Variants in ZNF536 observed in about 807,000 individuals in gnomAD.
ZNF536 encodes zinc finger protein 536.
ZNF536 carries 13 observed loss-of-function variants against 84.5 expected under a neutral mutation model. The observed-to-expected ratio is 0.15, with a 90% CI of 0.10 to 0.24. The LOEUF is 0.24. Among genes scored for constraint, ZNF536 ranks in the 10% least tolerant of loss-of-function variants. ZNF536 has a pLI of 1.00. For synonymous variants in ZNF536, 811 were observed against 742.5 expected (o/e 1.09, Z -1.50); for missense variants, 1,536 against 1,747.5 (o/e 0.88, Z 2.16).
rs200453890 is a variant in ZNF536, at chr19:30,548,917, G to A, written c.3298G>A (p.Val1100Met). The A allele has an allele frequency of 2.3e-4, 366 of 1,614,012 alleles. No individual in the cohort carries two copies. Among genetic ancestry groups the A allele is most frequent in the Admixed American group, 3.0e-4 (18 of 60,008 alleles). Residue 1100 changes from valine (V) to methionine (M), a missense_variant, in exon 4 of 5, where the codon GTG becomes ATG. Val to Met is a conservative substitution (Grantham distance 21, BLOSUM62 1). Transcript: ENST00000355537. Reference sequence around the variant, plus strand: ...GAAGAGCGGTGCATGGACCGGCCACGTGGACCCTGCATTTTGTAACTTCCC... The same window carrying A: ...GAAGAGCGGTGCATGGACCGGCCACATGGACCCTGCATTTTGTAACTTCCC... ...EQKSGAWTGH[V>M]DPAFCNFPSD...
chr19:30,520,983 A>G (rs187448028), intron 2 of ZNF536, among the ~76,000 whole-genome samples: 32 of 152,320 alleles, frequency 2.1e-4, no homozygotes, highest in African/African-American at 7.5e-4. Context: ...TCTGCCACGC[A>G]GGGTTTAAAG....
chr19:30,473,403 C>T (rs2053720514), intron 2 of ZNF536, among the ~76,000 whole-genome samples: 1 of 152,028 alleles, frequency 6.6e-6, no homozygotes, highest in Admixed American at 6.6e-5. Context: ...TTTCCAAGAC[C>T]CTCAGTTGTA....
rs375595253 is a variant in ZNF536, at chr19:30,466,580, A to G, written c.2170+20848A>G. Among the ~76,000 whole-genome samples the G allele has an allele frequency of 2.1e-4, 16 of 76,866 alleles. No homozygotes were observed. In the East Asian group the frequency reaches 7.6e-3, roughly 37 times the overall value. The allele number at this position is 76,866 out of a possible 152,430, so 50.4% of individuals were successfully genotyped here. A position where few individuals can be genotyped will look rare whatever the true frequency, so the allele number is the denominator to read the frequency against. Reference sequence around the variant, plus strand: ...CCTGTTAGAAAGAAAGAAAGAAAGAAAGAAAGAGAGAGAGAGAGAGAGAAA... The same window carrying G: ...CCTGTTAGAAAGAAAGAAAGAAAGAGAGAAAGAGAGAGAGAGAGAGAGAAA... On this transcript the variant is annotated intron_variant, in intron 2 of 4. Transcript: ENST00000355537.
At chr19:30,438,805 T>A (rs935520918) in intron 1 of ZNF536, among the ~76,000 whole-genome samples, 6 of 152,112 alleles carry the variant, frequency 3.9e-5, no homozygotes, top group African/African-American at 1.4e-4. Flanking sequence ...CAGCCTCCCA[T>A]GTAGTTGGGA....
At chr19:30,368,646 T>G (rs2048514610), upstream of ZNF536, among the ~76,000 whole-genome samples, 1 of 152,252 alleles carries the variant, frequency 6.6e-6, no homozygotes, top group Non-Finnish European at 1.5e-5. Flanking sequence ...TGATGACCCT[T>G]ACATATCTTT....
At chr19:30,228,443 C>T (rs2144588362), upstream of ZNF536, 1 of 152,290 alleles carries the variant, frequency 6.6e-6, no homozygotes, top group Middle Eastern at 3.4e-3. This position sits in a 1 kb window ranked among gnomAD's most constrained non-coding sequence, Gnocchi z 4.5. Context: ...CTTCGAGATG[C>T]TCCGGCGGCG....
downstream of ZNF536, among the ~76,000 whole-genome samples, chr19:30,558,623 T>C (rs1207975447): frequency 6.6e-6 from 1 of 152,236 alleles, no homozygotes; most frequent in African/African-American, 2.4e-5. Context: ...GGCTTTTGCC[T>C]GTTGTTCCAC....
chr19:30,664,832 C>A (rs867080415), intron 1 of ZNF536, among the ~76,000 whole-genome samples: 17 of 152,264 alleles, frequency 1.1e-4, no homozygotes, highest in African/African-American at 4.1e-4. Flanking sequence ...GGACCCTTCC[C>A]GGCTGGGAGG....
intron 2 of ZNF536, among the ~76,000 whole-genome samples, chr19:30,483,895 C>A (rs1303358567): frequency 6.6e-6 from 1 of 152,080 alleles, no homozygotes; most frequent in East Asian, 1.9e-4. Context: ...GGGTCTGACT[C>A]CTGCAAGTTT....
At position 30,642,668 on chromosome 19, in the gene ZNF536, C is replaced by T. The variant is rs556845434; in HGVS notation, c.170-68089C>T. Among the ~76,000 whole-genome samples, 450 of 152,212 alleles carry T rather than the reference C, an allele frequency of 3.0e-3. 2 individuals carry two copies. Among genetic ancestry groups the T allele is most frequent in the Non-Finnish European group, 5.2e-3 (354 of 68,020 alleles). ...ATCAGAAGTGCCTGCAGGAGGTCCT[C>T]GACTCTAGCAACAGATTAGATCCCA... On this transcript the variant is annotated intron_variant, in intron 1 of 1. Transcript: ENST00000592773.
chr19:30,409,537 C>T (rs2050397278), intron 1 of ZNF536, among the ~76,000 whole-genome samples: 1 of 152,230 alleles, frequency 6.6e-6, no homozygotes, highest in Non-Finnish European at 1.5e-5. Flanking sequence ...AACATCATTT[C>T]AGCTAAATCT....
intron 1 of ZNF536, among the ~76,000 whole-genome samples, chr19:30,277,076 C>T (rs1208983292): frequency 2.0e-5 from 3 of 152,114 alleles, no homozygotes; most frequent in Non-Finnish European, 4.4e-5. Flanking sequence ...TTTCTAATTA[C>T]GTATATACTC....
intron 2 of ZNF536, among the ~76,000 whole-genome samples, chr19:30,524,277 C>T (rs901597445): frequency 1.3e-5 from 2 of 152,076 alleles, no homozygotes; most frequent in African/African-American, 4.8e-5. Context: ...TATGGTGTGA[C>T]CTTCAAATGT....
intron 1 of ZNF536, among the ~76,000 whole-genome samples, chr19:30,381,239 T>C (rs2049009667): frequency 6.6e-6 from 1 of 152,210 alleles, no homozygotes. Context: ...TATCTCTTGA[T>C]TAGATCAATG....
exon 2 of ZNF536, chr19:30,712,952 A>G (rs1339196318): frequency 1.3e-5 from 2 of 152,044 alleles, no homozygotes; most frequent in African/African-American, 4.8e-5. Context: ...AAACATAAAA[A>G]AAAAAGAAAA....
intron 2 of ZNF536, among the ~76,000 whole-genome samples, chr19:30,480,145 C>G (rs751972195): frequency 6.6e-6 from 1 of 152,198 alleles, no homozygotes; most frequent in Non-Finnish European, 1.5e-5. Context: ...CAAGCTCTCC[C>G]GGTTCCATGG....
intron 2 of ZNF536, among the ~76,000 whole-genome samples, chr19:30,511,654 A>G (rs549268915): frequency 1.3e-5 from 2 of 152,352 alleles, no homozygotes; most frequent in East Asian, 1.9e-4. Flanking sequence ...CACAGCAGAC[A>G]TTAAAGTGTT....
At chr19:30,347,335 CTG>C in intron 2 of ZNF536, among the ~76,000 whole-genome samples, 1 of 152,292 alleles carries the variant, frequency 6.6e-6, no homozygotes, top group Middle Eastern at 3.4e-3. Flanking sequence ...GAGGGTTCCT[CTG>C]GTCTAGCCGC....
intron 2 of ZNF536, among the ~76,000 whole-genome samples, chr19:30,488,960 G>C (rs1373470922): frequency 6.6e-6 from 1 of 152,174 alleles, no homozygotes; most frequent in East Asian, 1.9e-4. Flanking sequence ...CTCTTTAAGT[G>C]CTAGGGCTGC....
Sources: gnomAD v4.1 joint callset for allele counts (sites outside exome capture counted in the v4.1 genomes callset) on GRCh38, gnomAD v4.1.1 for gene constraint, Gnocchi (gnomAD v3.1) non-coding constraint, MANE v1.5 for transcripts, NCBI Gene and HGNC (gene_info 2026-07-23, HGNC 2026-07-21) for gene names.